PRELID2: variants seen among roughly 807,000 people sequenced by gnomAD.
PRELID2 encodes the protein PRELI domain-containing protein 2.
A neutral mutation model predicts 28.4 loss-of-function variants in PRELID2; 25 were observed. The ratio of observed to expected loss-of-function variants is 0.88; its 90% CI spans 0.64 to 1.23. PRELID2 has a LOEUF of 1.23. Ranked by LOEUF, PRELID2 falls within the 50% of genes most tolerant of loss-of-function variation. The pLI is 0.00. For missense variants in PRELID2, 201 were observed against 214.4 expected (o/e 0.94, Z 0.39); for synonymous variants, 76 against 71.6 (o/e 1.06, Z -0.31).
intron 1 of PRELID2, among the ~76,000 whole-genome samples, chr5:145,666,160 A>G (rs1459587947): frequency 2.6e-5 from 4 of 151,960 alleles, no homozygotes; most frequent in Admixed American, 6.6e-5. Flanking sequence ...TTAATTCTAA[A>G]TGGTTGGTTT....
the PRELID2 span, among the ~76,000 whole-genome samples, chr5:145,388,161 T>C: frequency 4.7e-4 from 71 of 152,240 alleles, no homozygotes; most frequent in Non-Finnish European, 7.8e-4. Context: ...GAATTGAGTG[T>C]TTGAAAAATG....
chr5:145,311,757 G>A, the PRELID2 span, among the ~76,000 whole-genome samples: 1 of 152,236 alleles, frequency 6.6e-6, no homozygotes, highest in Non-Finnish European at 1.5e-5. Flanking sequence ...TACATGATAT[G>A]GATGAACACA....
At chr5:145,715,574 C>T (rs1755819440) in intron 1 of PRELID2, among the ~76,000 whole-genome samples, 5 of 152,166 alleles carry the variant, frequency 3.3e-5, no homozygotes, top group Admixed American at 3.3e-4. Flanking sequence ...AACTTCCCAC[C>T]CCAGCTTACA....
chr5:145,290,210 G>A, the PRELID2 span, among the ~76,000 whole-genome samples: 2 of 152,072 alleles, frequency 1.3e-5, no homozygotes, highest in Non-Finnish European at 2.9e-5. Context: ...CAAGGATCTA[G>A]AACTAGAAAT....
the PRELID2 span, among the ~76,000 whole-genome samples, chr5:145,387,678 T>A: frequency 6.6e-6 from 1 of 152,162 alleles, no homozygotes; most frequent in African/African-American, 2.4e-5. Flanking sequence ...ACATCTGTAA[T>A]ACCAGCACTT....
chr5:145,741,122 T>C (rs1390210516), intron 1 of PRELID2, among the ~76,000 whole-genome samples: 1 of 116,942 alleles, frequency 8.6e-6, no homozygotes, highest in Non-Finnish European at 1.6e-5. Context: ...TATAAATATA[T>C]AATATATAAA....
At chr5:145,646,191 T>C (rs1332158636) in intron 1 of PRELID2, among the ~76,000 whole-genome samples, 2 of 152,218 alleles carry the variant, frequency 1.3e-5, no homozygotes, top group Non-Finnish European at 2.9e-5. Flanking sequence ...GATTTGGTCT[T>C]TTCACATAGT....
intron 5 of PRELID2, among the ~76,000 whole-genome samples, chr5:145,766,251 A>C (rs1431056210): frequency 1.3e-5 from 2 of 152,136 alleles, no homozygotes; most frequent in African/African-American, 4.8e-5. Flanking sequence ...AATAATGATA[A>C]GGGGAACTTA....
chr5:145,771,873 G>T (rs531081521), intron 5 of PRELID2, among the ~76,000 whole-genome samples: 1 of 152,020 alleles, frequency 6.6e-6, no homozygotes, highest in Non-Finnish European at 1.5e-5. Context: ...AAGCAAGAAA[G>T]AAAATGGATG....
At chr5:145,690,641 A>G (rs1163996522) in intron 1 of PRELID2, among the ~76,000 whole-genome samples, 1 of 152,166 alleles carries the variant, frequency 6.6e-6, no homozygotes, top group Non-Finnish European at 1.5e-5. Context: ...ACTGAAGCCA[A>G]ACGTACTGTC....
rs374770228 is a variant in PRELID2, at chr5:145,524,719, C to T, written n.71-51404G>A. Among the ~76,000 whole-genome samples the T allele has an allele frequency of 3.2e-4, 48 of 152,306 alleles. No individual in the cohort carries two copies. In the East Asian group the frequency reaches 6.2e-3, roughly 20 times the overall value. ...AAACTAGGTCCCCTCAGAAAAAGCT[C>T]CAATCCAAGTTACCTGGAATAACTC... On this transcript the variant is annotated intron_variant and non_coding_transcript_variant, in intron 1 of 2. Transcript: ENST00000510259.
At chr5:145,678,779 G>A (rs573948499) in intron 1 of PRELID2, among the ~76,000 whole-genome samples, 1 of 152,268 alleles carries the variant, frequency 6.6e-6, no homozygotes, top group South Asian at 2.1e-4. Flanking sequence ...GGTCGAGGAG[G>A]AGTAATAATA....
intron 6 of PRELID2, among the ~76,000 whole-genome samples, chr5:145,763,434 G>C (rs1169093045): frequency 1.3e-5 from 2 of 152,160 alleles, no homozygotes; most frequent in South Asian, 2.1e-4. Context: ...AGCTTTTCCA[G>C]TAATAAAGGA....
chr5:145,373,358 T>TAC, the PRELID2 span, among the ~76,000 whole-genome samples: 2 of 93,186 alleles, frequency 2.1e-5, no homozygotes, highest in African/African-American at 8.3e-5. Flanking sequence ...ATATATAATA[T>TAC]ATATGATATT....
chr5:145,410,384 T>A, the PRELID2 span, among the ~76,000 whole-genome samples: 1 of 151,854 alleles, frequency 6.6e-6, no homozygotes, highest in Non-Finnish European at 1.5e-5. Flanking sequence ...ACCCACAGAG[T>A]GGGAGAAAGA....
the PRELID2 span, among the ~76,000 whole-genome samples, chr5:145,431,171 G>T: frequency 2.0e-5 from 3 of 151,754 alleles, no homozygotes; most frequent in Non-Finnish European, 2.9e-5. Context: ...TAATAGAAAG[G>T]TATTTAAAAG....
At chr5:145,399,045 T>C in the PRELID2 span, among the ~76,000 whole-genome samples, 10 of 152,084 alleles carry the variant, frequency 6.6e-5, no homozygotes, top group African/African-American at 2.2e-4. Context: ...TGTCCTGAGA[T>C]TGGAGAAGTG....
At chr5:145,414,175 G>A in the PRELID2 span, among the ~76,000 whole-genome samples, 1,282 of 152,272 alleles carry the variant, frequency 8.4e-3, 5 homozygotes, top group Non-Finnish European at 0.013. Flanking sequence ...TCAAGCAACC[G>A]GTAGAGAACA....
chr5:145,589,988 T>TA (rs1364880444), intron 1 of PRELID2, among the ~76,000 whole-genome samples: 1 of 152,240 alleles, frequency 6.6e-6, no homozygotes, highest in Non-Finnish European at 1.5e-5. Context: ...ATATGCATGA[T>TA]ATTCTTATAT....
Sources: gnomAD v4.1 joint callset for allele counts (sites outside exome capture counted in the v4.1 genomes callset) on GRCh38, gnomAD v4.1.1 for gene constraint, MANE v1.5 for transcripts, NCBI Gene and HGNC (gene_info 2026-07-23, HGNC 2026-07-21) for gene names.